The following XXYLT1 variants were observed in gnomAD, a reference collection of about 807,000 sequenced individuals.
The protein encoded by XXYLT1 is xyloside xylosyltransferase 1.
In XXYLT1, 20 loss-of-function variants were observed where a neutral mutation model predicts 28.9. The ratio of observed to expected loss-of-function variants is 0.69; its 90% CI spans 0.49 to 1.00. The LOEUF is 1.00. Among genes scored for constraint, XXYLT1 ranks in the 50% least tolerant of loss-of-function variants. The probability of loss-of-function intolerance (pLI) is 0.00; values close to 1 mark genes in which losing one functional copy is unlikely to be tolerated. For missense variants in XXYLT1, 542 were observed against 560.1 expected (o/e 0.97, Z 0.33); for synonymous variants, 257 against 253.8 (o/e 1.01, Z -0.12).
At chr3:195,200,142 G>C (rs1289054385) in intron 2 of XXYLT1, among the ~76,000 whole-genome samples, 3 of 152,202 alleles carry the variant, frequency 2.0e-5, no homozygotes, top group Non-Finnish European at 4.4e-5. Flanking sequence ...AGGGGATGCT[G>C]CTCTGCAAGA....
chr3:195,164,224 A>G (rs997688905), intron 2 of XXYLT1, among the ~76,000 whole-genome samples: 9 of 152,248 alleles, frequency 5.9e-5, no homozygotes, highest in African/African-American at 2.2e-4. Context: ...CTACGGTCAC[A>G]TGGTCACTAG....
rs879818777 is a variant in XXYLT1, at chr3:195,150,857, CACACACACACACT to C, written c.785+5579_785+5591del. 0.24 allele frequency among the ~76,000 whole-genome samples: 36,525 copies of C among 149,942 alleles called. 5,215 individuals carry two copies. Among genetic ancestry groups the C allele is most frequent in the East Asian group, 0.56 (2,810 of 5,026 alleles). On this transcript the variant is annotated intron_variant, in intron 3 of 3. Transcript: ENST00000310380. The surrounding 1 kb of genome is among the most constrained non-coding windows in gnomAD (Gnocchi z 4.7). ...ACGCACACTCTCTCACACACTCTCA[CACACACACACACT>C]CTCTCCCTCTCCCTCTCCCTCTCTC...
intron 3 of XXYLT1, among the ~76,000 whole-genome samples, chr3:195,080,016 G>A (rs1424851599): frequency 6.6e-6 from 1 of 152,110 alleles, no homozygotes; most frequent in Admixed American, 6.5e-5. Context: ...GATTAATGAA[G>A]GAAGGCATAA....
chr3:195,254,371 T>C (rs543364820), intron 1 of XXYLT1, among the ~76,000 whole-genome samples: 39 of 152,348 alleles, frequency 2.6e-4, no homozygotes, highest in Non-Finnish European at 4.9e-4. Flanking sequence ...TGGGAAGCCA[T>C]TCCCTGAGCC....
intron 2 of XXYLT1, among the ~76,000 whole-genome samples, chr3:195,174,007 G>C (rs1198766483): frequency 3.3e-5 from 5 of 152,242 alleles, no homozygotes; most frequent in Admixed American, 3.3e-4. Context: ...AGAGGATGGA[G>C]AGGAAGCTCA....
chr3:195,156,699 G>T, intron 2 of XXYLT1, 118 bp from the exon 3 acceptor site: 1 of 1,318,796 alleles, frequency 7.6e-7, no homozygotes, highest in Non-Finnish European at 1.0e-6. Context: ...TGTTGTCAGT[G>T]AATGATGCAC....
intron 3 of XXYLT1, among the ~76,000 whole-genome samples, chr3:195,074,493 A>T (rs1235305183): frequency 6.6e-6 from 1 of 152,180 alleles, no homozygotes; most frequent in Non-Finnish European, 1.5e-5. Flanking sequence ...TTGGCGTGGA[A>T]GGGACCTTGT....
chr3:195,263,048 T>G (rs1432539631), intron 1 of XXYLT1, among the ~76,000 whole-genome samples: 2 of 152,222 alleles, frequency 1.3e-5, no homozygotes, highest in Non-Finnish European at 2.9e-5. Context: ...GAAAATCCAT[T>G]GCATTTCCAG....
intron 2 of XXYLT1, among the ~76,000 whole-genome samples, chr3:195,199,227 G>A (rs144101348): frequency 1.7e-3 from 256 of 152,260 alleles, no homozygotes; most frequent in Non-Finnish European, 2.9e-3. Flanking sequence ...CCTGGCCACC[G>A]GCTCGAGGTT....
chr3:195,206,301 C>T (rs1723069621), intron 2 of XXYLT1, among the ~76,000 whole-genome samples: 2 of 151,580 alleles, frequency 1.3e-5, no homozygotes, highest in African/African-American at 2.4e-5. Flanking sequence ...TGAGCCACCA[C>T]GCACGGCCTA....
At chr3:195,239,036 A>T (rs1040829703) in intron 1 of XXYLT1, among the ~76,000 whole-genome samples, 1 of 152,226 alleles carries the variant, frequency 6.6e-6, no homozygotes, top group Non-Finnish European at 1.5e-5. Flanking sequence ...TCCCATCAGC[A>T]TGAATAGACT....
At chr3:195,270,060 A>G in intron 1 of XXYLT1, 1 of 219,262 alleles carries the variant, frequency 4.6e-6, no homozygotes, top group South Asian at 4.4e-5. Flanking sequence ...ATGGTTCACA[A>G]TGAGTTTGAC....
chr3:195,268,860 C>G (rs971670733), intron 1 of XXYLT1, among the ~76,000 whole-genome samples: 2 of 152,112 alleles, frequency 1.3e-5, no homozygotes, highest in African/African-American at 4.8e-5. Context: ...CTGGATCTAC[C>G]CCTGGGCCAA....
At chr3:195,112,032 A>AG (rs1717745395) in intron 3 of XXYLT1, among the ~76,000 whole-genome samples, 1 of 152,220 alleles carries the variant, frequency 6.6e-6, no homozygotes, top group East Asian at 1.9e-4. Context: ...CTATCGCTGC[A>AG]GAAATGTGCA....
intron 1 of XXYLT1, among the ~76,000 whole-genome samples, chr3:195,251,097 C>T (rs1725234439): frequency 2.0e-5 from 3 of 152,356 alleles, no homozygotes; most frequent in Non-Finnish European, 1.5e-5. Context: ...AAAGCACAGA[C>T]CATCTCACTG....
At chr3:195,252,802 G>C (rs1186774303) in intron 1 of XXYLT1, among the ~76,000 whole-genome samples, 2 of 151,504 alleles carry the variant, frequency 1.3e-5, no homozygotes, top group Non-Finnish European at 2.9e-5. Flanking sequence ...GAAACTCACA[G>C]CTCAGGTTAC....
chr3:195,170,377 C>A (rs1278714807), intron 2 of XXYLT1, among the ~76,000 whole-genome samples: 1 of 152,168 alleles, frequency 6.6e-6, no homozygotes, highest in African/African-American at 2.4e-5. Context: ...AGGCATTTAG[C>A]CATGACCGCA....
intron 3 of XXYLT1, among the ~76,000 whole-genome samples, chr3:195,099,929 A>G (rs9863270): frequency 0.16 from 23,964 of 152,068 alleles, 2,238 homozygotes; most frequent in South Asian, 0.3. Context: ...GCTTCAGTCA[A>G]TAATTGGGAT....
chr3:195,241,627 C>T (rs917851669), intron 1 of XXYLT1, among the ~76,000 whole-genome samples: 1 of 152,124 alleles, frequency 6.6e-6, no homozygotes, highest in Non-Finnish European at 1.5e-5. Context: ...TACACCCATG[C>T]CAGACACCTG....
Sources: gnomAD v4.1 joint callset for allele counts (sites outside exome capture counted in the v4.1 genomes callset) on GRCh38, gnomAD v4.1.1 for gene constraint, Gnocchi (gnomAD v3.1) non-coding constraint, MANE v1.5 for transcripts, NCBI Gene and HGNC (gene_info 2026-07-23, HGNC 2026-07-21) for gene names.